The following RIT2 variants were observed in gnomAD, a reference collection of about 807,000 sequenced individuals.
The protein encoded by RIT2 is Ras like without CAAX 2.
In RIT2, 24 loss-of-function variants were observed where a neutral mutation model predicts 23.7. The ratio of observed to expected loss-of-function variants is 1.01; its 90% confidence interval spans 0.73 to 1.43. RIT2 has a LOEUF of 1.43. Among genes scored for constraint, RIT2 ranks in the 40% most tolerant of loss-of-function variants. RIT2 has a pLI of 0.00. For synonymous variants in RIT2, 107 were observed against 91.1 expected (o/e 1.17, Z -0.99); for missense variants, 236 against 266.9 (o/e 0.88, Z 0.81).
At chr18:43,011,452 G>T (rs952497112) in intron 2 of RIT2, among the ~76,000 whole-genome samples, 5 of 151,616 alleles carry the variant, frequency 3.3e-5, no homozygotes, top group Admixed American at 1.3e-4. Flanking sequence ...GCGATTTTGG[G>T]CATGGATTGC....
At chr18:42,930,344 G>C (rs771047605) in intron 3 of RIT2, among the ~76,000 whole-genome samples, 2 of 151,834 alleles carry the variant, frequency 1.3e-5, no homozygotes, top group Non-Finnish European at 2.9e-5. Context: ...GAAAGAAAAG[G>C]GGGGAAATCC....
intron 4 of RIT2, among the ~76,000 whole-genome samples, chr18:42,912,059 T>C (rs1235131326): frequency 6.6e-6 from 1 of 151,886 alleles, no homozygotes; most frequent in Non-Finnish European, 1.5e-5. Context: ...CAAAATATTA[T>C]AGAAAAATAT....
At chr18:43,030,310 G>T (rs1191777581) in intron 2 of RIT2, among the ~76,000 whole-genome samples, 1 of 151,984 alleles carries the variant, frequency 6.6e-6, no homozygotes, top group Non-Finnish European at 1.5e-5. Flanking sequence ...AGTGAATGAA[G>T]CAAAGATGTA....
intron 1 of RIT2, among the ~76,000 whole-genome samples, chr18:43,069,095 T>C (rs1359670805): frequency 6.6e-6 from 1 of 152,194 alleles, no homozygotes; most frequent in Non-Finnish European, 1.5e-5. Flanking sequence ...AAGCATTCTT[T>C]ATTTTGCTTT....
At chr18:43,105,539 G>T (rs1409224827) in intron 1 of RIT2, among the ~76,000 whole-genome samples, 1 of 107,886 alleles carries the variant, frequency 9.3e-6, no homozygotes, top group African/African-American at 3.3e-5. Flanking sequence ...TTTAATGAAG[G>T]TGTAATATTG....
Position 42,897,149 on chromosome 18 carries a change from G to A in RIT2, c.426+26423C>T, listed in dbSNP as rs17715330. Among the ~76,000 whole-genome samples, 1,255 of 152,226 alleles carry A rather than the reference G, an allele frequency of 8.2e-3. 15 individuals are homozygous for A. Among genetic ancestry groups the A allele is most frequent in the African/African-American group, 0.029 (1,195 of 41,540 alleles). On this transcript the variant is annotated intron_variant, in intron 4 of 4. Transcript: ENST00000326695. ...GCAATGAAAGAATGTGTCATTTCTC[G>A]TTTCTTTTACTTCCTTATATAAAAT...
chr18:43,087,855 G>A (rs186042086), intron 1 of RIT2, among the ~76,000 whole-genome samples: 2 of 152,186 alleles, frequency 1.3e-5, no homozygotes, highest in East Asian at 3.9e-4. Context: ...AGCACTAGTC[G>A]GGAAACATAA....
intron 3 of RIT2, among the ~76,000 whole-genome samples, chr18:42,951,003 G>A (rs908293631): frequency 4.6e-5 from 7 of 152,042 alleles, no homozygotes; most frequent in Non-Finnish European, 8.8e-5. Flanking sequence ...ATGGAAAGCA[G>A]TTTGAAGATT....
intron 4 of RIT2, among the ~76,000 whole-genome samples, chr18:42,896,186 C>T (rs1908324758): frequency 6.6e-6 from 1 of 152,160 alleles, no homozygotes; most frequent in Admixed American, 6.5e-5. Flanking sequence ...ATCATTTGTA[C>T]CTGGGAGGTG....
In RIT2 at chr18:42,777,463, C is replaced by T. The variant is rs574280662; in HGVS notation, c.427-33743G>A. Reference sequence around the variant, plus strand: ...GGAACCAACAAAGAAGACTTAGAAGCAGTGGCCAATACAACAGGAAAATAA... The same window carrying T: ...GGAACCAACAAAGAAGACTTAGAAGTAGTGGCCAATACAACAGGAAAATAA... On this transcript the variant is annotated intron_variant, in intron 4 of 4. Transcript: ENST00000326695. 5.3e-5 allele frequency among the ~76,000 whole-genome samples: 8 copies of T among 152,158 alleles called. No homozygotes were observed. In the South Asian group the frequency reaches 1.7e-3, roughly 32 times the overall value.
chr18:42,921,895 C>T (rs958794500), intron 4 of RIT2, among the ~76,000 whole-genome samples: 2 of 152,102 alleles, frequency 1.3e-5, no homozygotes, highest in African/African-American at 2.4e-5. Context: ...GGTTCAGCTA[C>T]TAAGCCTCCA....
At chr18:42,748,136 A>G (rs1912961822) in intron 4 of RIT2, among the ~76,000 whole-genome samples, 1 of 151,540 alleles carries the variant, frequency 6.6e-6, no homozygotes, top group African/African-American at 2.4e-5. Context: ...TTGCAATCCC[A>G]TAGAGTGGAA....
chr18:42,796,815 A>G (rs1332283575), intron 4 of RIT2, among the ~76,000 whole-genome samples: 1 of 152,240 alleles, frequency 6.6e-6, no homozygotes, highest in Non-Finnish European at 1.5e-5. Flanking sequence ...CCAGAACTGC[A>G]TTATAAATTC....
At chr18:43,019,944 CAA>C (rs568472841) in intron 2 of RIT2, among the ~76,000 whole-genome samples, 1 of 139,018 alleles carries the variant, frequency 7.2e-6, no homozygotes, top group Admixed American at 7.2e-5. Flanking sequence ...CAATAGTTAC[CAA>C]AAAAAAAAAC....
chr18:43,001,289 G>A (rs1911098508), intron 2 of RIT2, among the ~76,000 whole-genome samples: 1 of 151,918 alleles, frequency 6.6e-6, no homozygotes, highest in Non-Finnish European at 1.5e-5. Flanking sequence ...GTTTTTTAAA[G>A]GGCTTCAATG....
At chr18:43,047,614 T>C (rs1912278957) in intron 1 of RIT2, among the ~76,000 whole-genome samples, 1 of 151,846 alleles carries the variant, frequency 6.6e-6, no homozygotes, top group South Asian at 2.1e-4. Flanking sequence ...TAAAATAAAA[T>C]TATTATATTT....
At chr18:42,839,723 A>G (rs1906712483) in intron 4 of RIT2, among the ~76,000 whole-genome samples, 1 of 152,190 alleles carries the variant, frequency 6.6e-6, no homozygotes, top group Non-Finnish European at 1.5e-5. Context: ...AATTCAGAAC[A>G]CCATGCAATA....
intron 4 of RIT2, among the ~76,000 whole-genome samples, chr18:42,868,970 C>T (rs1390539538): frequency 6.6e-6 from 1 of 152,170 alleles, no homozygotes; most frequent in African/African-American, 2.4e-5. Flanking sequence ...CTGTACTAGA[C>T]AGCCTGTTAC....
chr18:43,087,416 T>G (rs1226625323), intron 1 of RIT2, among the ~76,000 whole-genome samples: 1 of 152,152 alleles, frequency 6.6e-6, no homozygotes, highest in Non-Finnish European at 1.5e-5. Context: ...ATAACTAATC[T>G]TCAAGATAAT....
Sources: gnomAD v4.1 joint callset for allele counts (sites outside exome capture counted in the v4.1 genomes callset) on GRCh38, gnomAD v4.1.1 for gene constraint, MANE v1.5 for transcripts, NCBI Gene and HGNC (gene_info 2026-07-23, HGNC 2026-07-21) for gene names.